DPP6: variants seen among roughly 807,000 people sequenced by gnomAD.
The protein encoded by DPP6 is dipeptidyl peptidase like 6, also known as A-type potassium channel modulatory protein DPP6.
A neutral mutation model predicts 122.6 loss-of-function variants in DPP6; 69 were observed. The observed-to-expected ratio is 0.56, with a 90% CI of 0.46 to 0.69. The LOEUF is 0.69. Among genes scored for constraint, DPP6 ranks in the 30% least tolerant of loss-of-function variants. The pLI, the probability that DPP6 is intolerant of heterozygous loss-of-function variation, is 0.00. For synonymous variants in DPP6, 418 were observed against 433.1 expected, an observed-to-expected ratio of 0.97 and a Z score of 0.43; for missense variants, 928 against 1,116.9, an observed-to-expected ratio of 0.83 and a Z score of 2.41.
intron 3 of DPP6, among the ~76,000 whole-genome samples, chr7:154,506,930 T>C (rs1825711386): frequency 1.3e-5 from 2 of 152,198 alleles, no homozygotes; most frequent in Non-Finnish European, 2.9e-5. Context: ...ATTAACACTG[T>C]TGGGAATAAT....
intron 1 of DPP6, among the ~76,000 whole-genome samples, chr7:154,337,155 AACTC>A (rs1159577141): frequency 6.6e-6 from 1 of 152,206 alleles, no homozygotes; most frequent in Non-Finnish European, 1.5e-5. Flanking sequence ...AACCTAAACT[AACTC>A]CTGTTGGGAG....
At chr7:154,353,026 T>A (rs1437076575) in intron 1 of DPP6, among the ~76,000 whole-genome samples, 1 of 152,222 alleles carries the variant, frequency 6.6e-6, no homozygotes, top group Admixed American at 6.5e-5. Flanking sequence ...AGGAAAGAGA[T>A]GCTCCGAGCA....
intron 1 of DPP6, among the ~76,000 whole-genome samples, chr7:153,920,307 A>G (rs1460183518): frequency 6.6e-6 from 1 of 152,210 alleles, no homozygotes; most frequent in Non-Finnish European, 1.5e-5. Flanking sequence ...TCTTCCCAGA[A>G]TTGGCTGAGA....
At chr7:154,656,703 G>T (rs1255253363) in intron 6 of DPP6, among the ~76,000 whole-genome samples, 1 of 144,758 alleles carries the variant, frequency 6.9e-6, no homozygotes, top group East Asian at 2.1e-4. Flanking sequence ...GAGGCTGCGT[G>T]GGGAGGAGGT....
At chr7:154,224,278 C>T (rs1430779513) in intron 1 of DPP6, among the ~76,000 whole-genome samples, 3 of 148,680 alleles carry the variant, frequency 2.0e-5, no homozygotes, top group African/African-American at 7.7e-5. Context: ...GCTGAGATTG[C>T]GCCACTGCAC....
intron 1 of DPP6, among the ~76,000 whole-genome samples, chr7:154,105,309 C>T (rs1806079070): frequency 6.6e-6 from 1 of 152,156 alleles, no homozygotes; most frequent in African/African-American, 2.4e-5. Context: ...CCAAAAGAAT[C>T]CAAAATGAAA....
At chr7:154,087,165 A>T (rs1804484516) in intron 1 of DPP6, among the ~76,000 whole-genome samples, 1 of 151,846 alleles carries the variant, frequency 6.6e-6, no homozygotes, top group African/African-American at 2.4e-5. Context: ...AACAGCCCGA[A>T]TGAGGCTGTG....
At chr7:154,627,746 C>T (rs577583945) in intron 5 of DPP6, among the ~76,000 whole-genome samples, 112 of 152,274 alleles carry the variant, frequency 7.4e-4, no homozygotes, top group Admixed American at 1.2e-3. Context: ...GGAGTGGGCC[C>T]AGACACCAGA....
intron 1 of DPP6, among the ~76,000 whole-genome samples, chr7:154,318,483 T>C (rs1296050173): frequency 1.3e-5 from 2 of 152,138 alleles, no homozygotes; most frequent in Non-Finnish European, 2.9e-5. Flanking sequence ...AGCCCCCAAA[T>C]ACCAAGACCA....
chr7:153,917,351 G>A (rs997650042), intron 1 of DPP6, among the ~76,000 whole-genome samples: 3 of 152,204 alleles, frequency 2.0e-5, no homozygotes, highest in South Asian at 4.1e-4. Flanking sequence ...CGTTTTTCCA[G>A]CATTTAAATT....
intron 1 of DPP6, among the ~76,000 whole-genome samples, chr7:154,441,697 G>A (rs1053858873): frequency 2.0e-5 from 3 of 152,150 alleles, no homozygotes; most frequent in Non-Finnish European, 2.9e-5. Context: ...GCTGTAGCTG[G>A]GGAGAAAATT....
chr7:154,423,635 A>T (rs1817663759), intron 1 of DPP6, among the ~76,000 whole-genome samples: 1 of 152,254 alleles, frequency 6.6e-6, no homozygotes, highest in Non-Finnish European at 1.5e-5. Flanking sequence ...GTTATTCTTT[A>T]GGCATTTAGA....
chr7:153,927,321 A>G (rs1379450844), intron 1 of DPP6, among the ~76,000 whole-genome samples: 1 of 152,214 alleles, frequency 6.6e-6, no homozygotes, highest in African/African-American at 2.4e-5. Flanking sequence ...TCTAAAATCA[A>G]TGAGTAAATA....
intron 5 of DPP6, among the ~76,000 whole-genome samples, chr7:154,622,743 A>T (rs1834775750): frequency 6.6e-6 from 1 of 152,136 alleles, no homozygotes; most frequent in Non-Finnish European, 1.5e-5. Context: ...TACTGCAGGG[A>T]TTATGAGGTC....
chr7:153,944,183 G>A (rs1014122219), intron 1 of DPP6, among the ~76,000 whole-genome samples: 7 of 152,196 alleles, frequency 4.6e-5, no homozygotes, highest in Admixed American at 4.6e-4. Context: ...GCCGGGGCTC[G>A]GTCCGTCTGG....
At chr7:154,507,453 A>T (rs1563777484) in intron 3 of DPP6, among the ~76,000 whole-genome samples, 1 of 152,118 alleles carries the variant, frequency 6.6e-6, no homozygotes, top group Non-Finnish European at 1.5e-5. Context: ...CCGCCCTGAT[A>T]TGCCCCAGTA....
intron 7 of DPP6, among the ~76,000 whole-genome samples, chr7:154,676,093 A>G (rs532253975): frequency 6.8e-6 from 1 of 147,310 alleles, no homozygotes; most frequent in South Asian, 2.1e-4. Flanking sequence ...TACCTCCTAC[A>G]CAGGTGTTCC....
chr7:153,773,170 A>C, the DPP6 span, among the ~76,000 whole-genome samples: 4 of 148,856 alleles, frequency 2.7e-5, no homozygotes, highest in African/African-American at 9.7e-5. Flanking sequence ...CAGAACACAC[A>C]AAACCAAAAA....
At position 154,889,427 on chromosome 7, in the gene DPP6, CCT is replaced by C. The variant is rs1281947201; in HGVS notation, c.2378-25_2378-24del. The C allele has an allele frequency of 2.5e-5, 39 of 1,583,436 alleles. No homozygotes were observed. The African/African-American group carries it at 4.8e-4, about 20-fold the overall frequency. ...CACCATGGGTTTTAACAAATGTCTT[CCT>C]CTCTTTTTTTTTTTTTTTTTTGCAC... On this transcript the variant is annotated intron_variant, in intron 24 of 25. Transcript: ENST00000377770.
Sources: gnomAD v4.1 joint callset for allele counts (sites outside exome capture counted in the v4.1 genomes callset) on GRCh38, gnomAD v4.1.1 for gene constraint, MANE v1.5 for transcripts, NCBI Gene and HGNC (gene_info 2026-07-23, HGNC 2026-07-21) for gene names.